Variants in NCAPG2 observed in about 807,000 individuals in gnomAD.
NCAPG2 encodes condensin-2 complex subunit G2.
NCAPG2 carries 53 observed loss-of-function variants against 141.1 expected under a neutral mutation model. That is an observed-to-expected ratio of 0.38 (90% confidence interval 0.30 to 0.47). The LOEUF is 0.47. Ranked by LOEUF, NCAPG2 falls within the 20% of genes least tolerant of loss-of-function variation. NCAPG2 has a pLI of 0.99. For missense variants in NCAPG2, 1,087 were observed against 1,389.0 expected (o/e 0.78, Z 3.46); for synonymous variants, 499 against 490.7 (o/e 1.02, Z -0.22).
intron 27 of NCAPG2, among the ~76,000 whole-genome samples, chr7:158,643,855 T>A (rs2290395): frequency 1.3e-5 from 2 of 152,218 alleles, no homozygotes; most frequent in South Asian, 4.1e-4. Context: ...GCCTGCAGGC[T>A]GTGCGTAGCA....
rs758420855 is a variant in NCAPG2 at position 158,675,448 on chromosome 7, C to A, written c.1326+29G>T. The A allele has an allele frequency of 1.3e-5, 19 of 1,519,786 alleles. No individual in the cohort carries two copies. The East Asian group carries it at 2.1e-4, about 17-fold the overall frequency. The allele number at this position is 1,519,786 out of a possible 1,614,324, so 94.1% of individuals were successfully genotyped here. ...TTCTAATTATTCTACAACAAATAAA[C>A]ATTACTTACATAATTTAAAAAATCT... On this transcript the variant is annotated intron_variant, in intron 12 of 27. Transcript: ENST00000356309.
intron 27 of NCAPG2, among the ~76,000 whole-genome samples, chr7:158,642,329 G>A (rs1022858546): frequency 6.6e-6 from 1 of 152,176 alleles, no homozygotes; most frequent in African/African-American, 2.4e-5. Flanking sequence ...GAGCCCAGGA[G>A]TTCAAGGACA....
At position 158,704,798 on chromosome 7, in the gene NCAPG2, C is replaced by T. The variant is rs1477293633; in HGVS notation, c.-114G>A. 2 of 152,262 alleles carry T rather than the reference C, an allele frequency of 1.3e-5. No homozygotes were observed. The highest frequency in any genetic ancestry group is 2.9e-5 in the Non-Finnish European group (2 of 68,070). The allele number at this position is 152,262 out of a possible 1,614,324, so 9.4% of individuals were successfully genotyped here. On this transcript the variant is annotated 5_prime_UTR_variant, in exon 1 of 28. Coordinates refer to ENST00000356309, the MANE Select transcript of NCAPG2 (RefSeq NM_017760.7). ...ACCCGCCGGCGCCCCAGACGGGCCC[C>T]GCCCTCCCGGTCGTCATCAGGCGCC...
chr7:158,668,342 A>AACTGGGTCCCTCCGGCCGCCTTACCCACT (rs1833414533), intron 13 of NCAPG2: 1 of 642,500 alleles, frequency 1.6e-6, no homozygotes. Context: ...CCTTACCCAC[A>AACTGGGTCCCTCCGGCCGCCTTACCCACT]ACTGGGTCCC....
intron 27 of NCAPG2, among the ~76,000 whole-genome samples, chr7:158,637,697 G>T (rs1830382303): frequency 6.6e-6 from 1 of 152,222 alleles, no homozygotes; most frequent in Admixed American, 6.5e-5. Context: ...TTCCACGTAG[G>T]AAGCCAGGTC....
Position 158,686,194 on chromosome 7 carries a change from T to C in NCAPG2, c.815A>G (p.Lys272Arg). 1.9e-6 allele frequency: 3 copies of C among 1,561,020 alleles called. No homozygotes were observed. The highest frequency in any genetic ancestry group is 3.8e-5 in the Admixed American group (2 of 53,202). ...TACCTCCAGTATTTTCCCTGAAGCC[T>C]TTTTCCAAGCTCTGAAATAAATTTC... The part of the protein sequence containing the change: ...IAEIYFRAWK[K>R]ASGKILEAIE... The change falls in exon 8 of 28, where the codon AAG becomes AGG. Residue 272 changes from lysine to arginine, a missense_variant. Transcript: ENST00000356309.
chr7:158,671,041 T>C (rs1833648114), intron 13 of NCAPG2, among the ~76,000 whole-genome samples: 1 of 140,638 alleles, frequency 7.1e-6, no homozygotes, highest in Non-Finnish European at 1.5e-5. Context: ...AAAACGCACA[T>C]CTCTCATAAA....
rs754116415 is a variant in NCAPG2, at chr7:158,652,499, T to C, written c.2747-19A>G. 6.5e-7 allele frequency: 1 copy of C among 1,544,432 alleles called. No homozygotes were observed. Among genetic ancestry groups the C allele is most frequent in the Admixed American group, 1.9e-5 (1 of 53,146 alleles). ...CCCTTCACTAGAAAGAAAATTGGAA[T>C]ATATCAGTTTTCTAATCACACAAGT... On this transcript the variant is annotated intron_variant, in intron 22 of 27. Coordinates refer to ENST00000356309, the MANE Select transcript of NCAPG2 (RefSeq NM_017760.7).
chr7:158,680,774 C>T lies in NCAPG2; in HGVS notation c.967G>A (p.Val323Met), dbSNP rs2129467646. The stretch of plus-strand genomic sequence containing the variant: ...TATAATCTATAAAGCATCTCTTCCA[C>T]TCCCTGCCGAACTTTCTTTTGATGG... ...FHHQKKVRQG[V>M]EEMLYRLYKP... Residue 323 changes from valine (V) to methionine (M), a missense_variant, in exon 10 of 28, where the codon GTG becomes ATG. By Grantham distance (21) the Val-to-Met change is conservative. Transcript: ENST00000356309. 6.2e-7 allele frequency: 1 copy of T among 1,606,412 alleles called. No homozygotes were observed. Among genetic ancestry groups the T allele is most frequent in the East Asian group, 2.2e-5 (1 of 44,694 alleles).
intron 26 of NCAPG2, among the ~76,000 whole-genome samples, chr7:158,645,061 G>A (rs1156350738): frequency 6.6e-6 from 1 of 152,102 alleles, no homozygotes; most frequent in African/African-American, 2.4e-5. Context: ...TATTTTCCCA[G>A]TACTACTTGA....
At chr7:158,675,326 T>C in intron 12 of NCAPG2, 151 bp downstream of exon 12, 2 of 917,752 alleles carry the variant, frequency 2.2e-6, no homozygotes, top group Non-Finnish European at 3.1e-6. Context: ...TGAATTTGGT[T>C]TTTAAAAACC....
At chr7:158,667,518 GCCC>G (rs1833168242) in intron 13 of NCAPG2, among the ~76,000 whole-genome samples, 3 of 63,396 alleles carry the variant, frequency 4.7e-5, no homozygotes, top group African/African-American at 1.5e-4. Context: ...GGGTCCCTCC[GCCC>G]TCCTTACCTA....
chr7:158,644,200 G>T, intron 27 of NCAPG2, 89 bp downstream of exon 27: 2 of 1,110,442 alleles, frequency 1.8e-6, no homozygotes, highest in East Asian at 4.7e-5. Context: ...CTGGGTGTAA[G>T]TAGCAGAAAT....
In NCAPG2 at chr7:158,656,357, A is replaced by G. The variant is rs995265100; in HGVS notation, c.2291T>C (p.Ile764Thr). The G allele has an allele frequency of 8.7e-6, 14 of 1,614,062 alleles. No homozygotes were observed. The highest frequency in any genetic ancestry group is 1.6e-4 in the Middle Eastern group (1 of 6,084). ...PVKPELALVYIEYLLTHPKNR... is the reference protein window; with the variant it reads ...PVKPELALVYTEYLLTHPKNR... ...CTTTGGATGAGTCAGCAGATACTCA[A>G]TGTAGACCAATGCCAATTCAGGTTT... is the stretch of plus-strand genomic sequence containing the variant. The change falls in exon 19 of 28, where the codon ATT becomes ACT. Residue 764 changes from isoleucine to threonine, a missense_variant. Physicochemically the swap from Ile to Thr is moderately conservative, Grantham distance 89 (BLOSUM62 -1). Coordinates refer to ENST00000356309, the MANE Select transcript of NCAPG2 (RefSeq NM_017760.7).
At chr7:158,667,321 GT>G (rs1833078340) in intron 13 of NCAPG2, 1 of 86,606 alleles carries the variant, frequency 1.2e-5, no homozygotes, top group Non-Finnish European at 1.4e-5. Context: ...CCGCTACTGT[GT>G]CCCTCCGCTA....
intron 15 of NCAPG2, 42 bp downstream of exon 15, chr7:158,664,142 C>T: frequency 6.9e-7 from 1 of 1,441,424 alleles, no homozygotes; most frequent in Non-Finnish European, 9.8e-7. Flanking sequence ...GGAGTGATGC[C>T]ACTGAGGCAC....
At position 158,633,376 on chromosome 7, in the gene NCAPG2, C is replaced by T. The variant is rs1169383754; in HGVS notation, c.3381-1659G>A. On this transcript the variant is annotated intron_variant, in intron 27 of 27. Coordinates refer to ENST00000356309, the MANE Select transcript of NCAPG2 (RefSeq NM_017760.7). The surrounding 1 kb of genome is among the most constrained non-coding windows in gnomAD (Gnocchi z 4.1). ...CCTTTCGGGGTTACAGTTGACTCTT[C>T]TTCAAAGACTCTTATTACTCACCCA... 6.6e-6 allele frequency among the ~76,000 whole-genome samples: 1 copy of T among 152,244 alleles called. No homozygotes were observed. Among genetic ancestry groups the T allele is most frequent in the Non-Finnish European group, 1.5e-5 (1 of 68,042 alleles).
Position 158,644,317 on chromosome 7 carries a change from T to C in NCAPG2, c.3352A>G (p.Ile1118Val), listed in dbSNP as rs200891888. 7 of 1,613,682 alleles carry C rather than the reference T, an allele frequency of 4.3e-6. No individual in the cohort carries two copies. The highest frequency in any genetic ancestry group is 5.9e-6 in the Non-Finnish European group (7 of 1,179,592). The change falls in exon 27 of 28, where the codon ATT becomes GTT. Residue 1118 changes from isoleucine to valine, a missense_variant. Physicochemically the swap from Ile to Val is conservative, Grantham distance 29. Coordinates refer to ENST00000356309, the MANE Select transcript of NCAPG2 (RefSeq NM_017760.7). ...TCAATGCTATCCTCTTCCAAAGTAA[T>C]TTCCATGAATGTCTTTAGTTTTCTG... ...VHRKLKTFMEITLEEDSIERF... is the reference protein window; with the variant it reads ...VHRKLKTFMEVTLEEDSIERF...
At chr7:158,657,006 C>G (rs1010950273) in intron 17 of NCAPG2, among the ~76,000 whole-genome samples, 1 of 152,178 alleles carries the variant, frequency 6.6e-6, no homozygotes, top group African/African-American at 2.4e-5. Context: ...GCAAGAGTTT[C>G]TACTTTTGAA....
Sources: allele counts gnomAD v4.1 joint callset (sites outside exome capture counted in the v4.1 genomes callset), GRCh38; gene constraint gnomAD v4.1.1; non-coding constraint Gnocchi (gnomAD v3.1); transcripts MANE v1.5; gene names NCBI Gene and HGNC (gene_info 2026-07-23, HGNC 2026-07-21).